The following ANXA8 variants were observed in gnomAD, a reference collection of about 807,000 sequenced individuals.
ANXA8 encodes the protein annexin A8, also known as VAC-beta.
ANXA8 carries 9 observed loss-of-function variants against 26.8 expected under a neutral mutation model. The observed-to-expected ratio is 0.34, with a 90% CI of 0.20 to 0.59. The LOEUF (loss-of-function observed/expected upper bound fraction) is 0.59, where lower values mean the gene tolerates loss of function less well. Among genes scored for constraint, ANXA8 ranks in the 20% least tolerant of loss-of-function variants. The pLI, the probability that ANXA8 is intolerant of heterozygous loss-of-function variation, is 0.84. For synonymous variants in ANXA8, 39 were observed against 94.8 expected (o/e 0.41, Z 3.42); for missense variants, 83 against 238.5 (o/e 0.35, Z 4.29).
the ANXA8 span, among the ~76,000 whole-genome samples, chr10:47,587,939 C>A: frequency 6.9e-6 from 1 of 145,810 alleles, no homozygotes; most frequent in Non-Finnish European, 1.5e-5. Context: ...TTGTGGAAAG[C>A]TTGAGATGCT....
At chr10:47,703,404 C>CA in the ANXA8 span, among the ~76,000 whole-genome samples, 2 of 151,174 alleles carry the variant, frequency 1.3e-5, no homozygotes, top group Non-Finnish European at 2.9e-5. Context: ...CCTGTCTCTA[C>CA]AAAAAATAGA....
chr10:47,720,296 C>T, the ANXA8 span, among the ~76,000 whole-genome samples: 1 of 143,172 alleles, frequency 7.0e-6, no homozygotes, highest in African/African-American at 2.6e-5. Flanking sequence ...TTATTGTCTT[C>T]AAACAGCTGT....
the ANXA8 span, among the ~76,000 whole-genome samples, chr10:47,957,820 C>G: frequency 1.4e-4 from 21 of 149,440 alleles, 1 homozygote; most frequent in African/African-American, 5.3e-4. Flanking sequence ...GTGTGTGTCT[C>G]TCCTTTTCTG....
the ANXA8 span, among the ~76,000 whole-genome samples, chr10:47,955,330 A>G: frequency 6.6e-6 from 1 of 150,712 alleles, no homozygotes; most frequent in South Asian, 2.1e-4. Context: ...CAGCAGCTTG[A>G]AAATGGATTA....
the ANXA8 span, among the ~76,000 whole-genome samples, chr10:47,938,808 G>A: frequency 6.7e-6 from 1 of 149,294 alleles, no homozygotes; most frequent in African/African-American, 2.5e-5. Context: ...AGCACGTGAG[G>A]ATTCCTCCTC....
At chr10:47,553,679 G>A in the ANXA8 span, among the ~76,000 whole-genome samples, 2 of 150,594 alleles carry the variant, frequency 1.3e-5, no homozygotes, top group Non-Finnish European at 3.0e-5. Flanking sequence ...GCGTTCCACC[G>A]GGTCCGCGTC....
At chr10:47,664,976 C>T in the ANXA8 span, among the ~76,000 whole-genome samples, 1 of 142,546 alleles carries the variant, frequency 7.0e-6, no homozygotes, top group Non-Finnish European at 1.5e-5. Flanking sequence ...GTCCTCCCAC[C>T]TTGGCCTCCC....
chr10:47,671,264 A>G, the ANXA8 span, among the ~76,000 whole-genome samples: 1 of 151,686 alleles, frequency 6.6e-6, no homozygotes, highest in Non-Finnish European at 1.5e-5. Context: ...CTCTACAAAA[A>G]ATGAAAAATT....
chr10:47,699,686 G>T, the ANXA8 span, among the ~76,000 whole-genome samples: 1 of 151,320 alleles, frequency 6.6e-6, no homozygotes, highest in Non-Finnish European at 1.5e-5. Context: ...AAAAATGCTG[G>T]GTGTGGTGGC....
chr10:47,597,010 C>G, the ANXA8 span, among the ~76,000 whole-genome samples: 1 of 149,038 alleles, frequency 6.7e-6, no homozygotes, highest in African/African-American at 2.6e-5. Context: ...AAATCCTCAA[C>G]AAAGTACTTG....
At chr10:47,671,871 C>CT in the ANXA8 span, among the ~76,000 whole-genome samples, 194 of 147,872 alleles carry the variant, frequency 1.3e-3, no homozygotes, top group African/African-American at 3.1e-3. Context: ...TGTTTTGCTT[C>CT]TTTTTTTTTT....
the ANXA8 span, among the ~76,000 whole-genome samples, chr10:47,576,649 C>T: frequency 3.3e-5 from 5 of 150,674 alleles, no homozygotes; most frequent in Admixed American, 2.6e-4. Context: ...GAATATGGCA[C>T]CAGGACTATA....
the ANXA8 span, among the ~76,000 whole-genome samples, chr10:47,632,339 T>G: frequency 6.6e-6 from 1 of 150,480 alleles, no homozygotes; most frequent in Non-Finnish European, 1.5e-5. Flanking sequence ...TTTTCTTAAC[T>G]TGATCCTACT....
the ANXA8 span, among the ~76,000 whole-genome samples, chr10:47,489,299 T>C: frequency 2.1e-5 from 3 of 144,150 alleles, 1 homozygote; most frequent in East Asian, 7.8e-4. Flanking sequence ...ATTACAGGCA[T>C]GAGCCACCGC....
At chr10:47,696,520 A>G in the ANXA8 span, 47 of 1,235,972 alleles carry the variant, frequency 3.8e-5, no homozygotes. Flanking sequence ...TGTAAGGCAC[A>G]TTTTAAATGA....
In ANXA8 at chr10:47,474,327, G is replaced by A; in HGVS notation, c.624C>T (p.Arg208=). The A allele has an allele frequency of 6.5e-7, 1 of 1,544,300 alleles. No individual in the cohort carries two copies. Among genetic ancestry groups the A allele is most frequent in the Non-Finnish European group, 8.8e-7 (1 of 1,141,036 alleles). ...EMKFITILCT[R]SATHLLRVFE... ...TACCTCTCAGCAGGTGAGTGGCACT[G>A]CGCGTGCACAGGATGGTGATGAATT... Residue 208 remains arginine, a synonymous_variant, in exon 8 of 12, where the codon CGC becomes CGT. Coordinates refer to ENST00000585281, the MANE Select transcript of ANXA8 (RefSeq NM_001040084.3).
At chr10:47,662,318 G>GTGTT in the ANXA8 span, among the ~76,000 whole-genome samples, 1 of 136,136 alleles carries the variant, frequency 7.3e-6, no homozygotes, top group Middle Eastern at 3.3e-3. Flanking sequence ...GTAATTCCCA[G>GTGTT]TGTTTGAGGT....
At chr10:47,944,519 G>C in the ANXA8 span, among the ~76,000 whole-genome samples, 1 of 150,536 alleles carries the variant, frequency 6.6e-6, no homozygotes, top group Admixed American at 6.6e-5. Flanking sequence ...ATGTCATCTT[G>C]AATGATAGCT....
the ANXA8 span, among the ~76,000 whole-genome samples, chr10:47,907,365 GA>G: frequency 1.3e-5 from 2 of 150,996 alleles, no homozygotes; most frequent in Non-Finnish European, 3.0e-5. Flanking sequence ...TCAAATTAAA[GA>G]AAAAAAAGAA....
Sources: gnomAD v4.1 joint callset for allele counts (sites outside exome capture counted in the v4.1 genomes callset) on GRCh38, gnomAD v4.1.1 for gene constraint, MANE v1.5 for transcripts, NCBI Gene and HGNC (gene_info 2026-07-23, HGNC 2026-07-21) for gene names.